ARFGEF1: variants seen among roughly 807,000 people sequenced by gnomAD.
The protein encoded by ARFGEF1 is brefeldin A-inhibited guanine nucleotide-exchange protein 1.
Under a neutral mutation model 231.0 loss-of-function variants are expected in ARFGEF1, and 42 were observed. The ratio of observed to expected loss-of-function variants is 0.18; its 90% CI spans 0.14 to 0.24. The LOEUF (loss-of-function observed/expected upper bound fraction) is 0.24, where lower values mean the gene tolerates loss of function less well. ARFGEF1 is among the 10% of genes least tolerant of loss of function. The pLI is 1.00. For missense variants in ARFGEF1, 1,345 were observed against 2,192.0 expected (o/e 0.61, Z 7.72); for synonymous variants, 710 against 732.3 (o/e 0.97, Z 0.49).
chr8:67,224,958 T>G lies in ARFGEF1; in HGVS notation c.4153A>C (p.Ile1385Leu). Residue 1385 changes from isoleucine (I) to leucine (L), a missense_variant, in exon 29 of 39, where the codon ATT (isoleucine) becomes CTT (leucine). This residue lies in a region of ARFGEF1 where 142 missense variants were observed against 227.3 expected (regional missense o/e 0.62). Coordinates refer to ENST00000262215, the MANE Select transcript of ARFGEF1 (RefSeq NM_006421.5). ...DRVWVRGWFP[I>L]LFELSCIINR... Reference sequence around the variant, plus strand: ...ATGATACAGGATAACTCAAAGAGAATTGGGAACCATCCTCTCACCCACACC... The same window carrying G: ...ATGATACAGGATAACTCAAAGAGAAGTGGGAACCATCCTCTCACCCACACC... 2 of 1,606,930 alleles carry G rather than the reference T, an allele frequency of 1.2e-6. No homozygotes were observed. Among genetic ancestry groups the G allele is most frequent in the African/African-American group, 1.3e-5 (1 of 74,876 alleles).
chr8:67,176,935 G>A (rs117763227), intron 5 of ARFGEF1, among the ~76,000 whole-genome samples: 3,148 of 152,120 alleles, frequency 0.021, 45 homozygotes, highest in Non-Finnish European at 0.031. Context: ...GCTGGGCATG[G>A]AGGCGTGTGC....
intron 1 of ARFGEF1, among the ~76,000 whole-genome samples, chr8:67,305,767 C>T (rs749704733): frequency 1.3e-5 from 2 of 152,162 alleles, no homozygotes; most frequent in Non-Finnish European, 2.9e-5. Flanking sequence ...GGATTACATT[C>T]CCCCCTTATC....
chr8:67,319,856 C>T (rs142387936), intron 1 of ARFGEF1, among the ~76,000 whole-genome samples: 3 of 152,030 alleles, frequency 2.0e-5, no homozygotes, highest in Non-Finnish European at 2.9e-5. Flanking sequence ...AAAAAAACAA[C>T]GAAATTTTTT....
At chr8:67,273,814 A>C (rs971365722) in intron 9 of ARFGEF1, among the ~76,000 whole-genome samples, 3 of 152,158 alleles carry the variant, frequency 2.0e-5, no homozygotes, top group African/African-American at 7.2e-5. Context: ...AGGGAACTAC[A>C]AATTAACCCA....
chr8:67,181,165 G>A (rs1832926788), intron 5 of ARFGEF1, among the ~76,000 whole-genome samples: 1 of 151,618 alleles, frequency 6.6e-6, no homozygotes. Flanking sequence ...AGCCTCCCCA[G>A]TAGCTGGGAC....
At chr8:67,271,025 C>CA (rs36063944) in intron 10 of ARFGEF1, among the ~76,000 whole-genome samples, 1,837 of 35,580 alleles carry the variant, frequency 0.052, 34 homozygotes, top group Admixed American at 0.068. Flanking sequence ...ACTCCATCTC[C>CA]AAAAAAAAAA....
chr8:67,253,306 G>T (rs1014458194), intron 18 of ARFGEF1, 145 bp downstream of exon 18: 4 of 496,694 alleles, frequency 8.1e-6, no homozygotes, highest in African/African-American at 8.0e-5. Context: ...GAACTCCTGG[G>T]TTCAAGTGAT....
Position 67,277,303 on chromosome 8 carries a change from T to C in ARFGEF1, c.1182A>G (p.Ser394=). The C allele has an allele frequency of 6.2e-7, 1 of 1,613,410 alleles. No homozygotes were observed. Among genetic ancestry groups the C allele is most frequent in the Non-Finnish European group, 8.5e-7 (1 of 1,179,562 alleles). Residue 394 remains serine, a synonymous_variant, in exon 8 of 39, where the codon TCA becomes TCG. Coordinates refer to ENST00000262215, the MANE Select transcript of ARFGEF1 (RefSeq NM_006421.5). ...ATACCTGAGTATCATTGGAAGAGACTGACAATCTATCATCAGGTAAGGATG... is the reference window on the plus strand; with the variant it reads ...ATACCTGAGTATCATTGGAAGAGACCGACAATCTATCATCAGGTAAGGATG... ...YTPSLPDDRL[S]VSSNDTQESG...
chr8:67,224,872 C>A, intron 29 of ARFGEF1, 31 bp downstream of exon 29: 2 of 1,446,378 alleles, frequency 1.4e-6, no homozygotes, highest in Non-Finnish European at 9.2e-7. Context: ...AAAATAAATC[C>A]AAAATTTTAA....
chr8:67,261,327 AG>A (rs1804612138), intron 14 of ARFGEF1, among the ~76,000 whole-genome samples: 1 of 152,198 alleles, frequency 6.6e-6, no homozygotes, highest in Non-Finnish European at 1.5e-5. Context: ...TGGCTCTCTT[AG>A]GGGCTAATGT....
intron 17 of ARFGEF1, among the ~76,000 whole-genome samples, chr8:67,257,078 GA>G (rs758272536): frequency 6.6e-6 from 1 of 152,084 alleles, no homozygotes; most frequent in Non-Finnish European, 1.5e-5. Context: ...GGTGAAGTTT[GA>G]AACATTTTTT....
intron 1 of ARFGEF1, 58 bp downstream of exon 1, chr8:67,343,106 C>CGG: frequency 3.9e-6 from 1 of 254,858 alleles, no homozygotes; most frequent in Non-Finnish European, 7.7e-6. Flanking sequence ...CCCCCACAGG[C>CGG]GCCCCCCTCC....
chr8:67,249,457 A>T (rs946627674), intron 19 of ARFGEF1, among the ~76,000 whole-genome samples: 2 of 150,096 alleles, frequency 1.3e-5, no homozygotes, highest in Non-Finnish European at 2.9e-5. Context: ...TCGTAAGTCG[A>T]GGAGCATACA....
chr8:67,225,942 A>T, intron 28 of ARFGEF1, 81 bp downstream of exon 28: 1 of 1,347,674 alleles, frequency 7.4e-7, no homozygotes, highest in Non-Finnish European at 1.0e-6. Context: ...TGCTTCATAT[A>T]CCCTCAATTC....
rs571392274 is a variant in ARFGEF1, at chr8:67,342,821, T to C, written c.124+343A>G. 5.3e-4 allele frequency among the ~76,000 whole-genome samples: 80 copies of C among 152,268 alleles called. 1 individual carries two copies. The highest frequency in any genetic ancestry group is 1.6e-3 in the Admixed American group (25 of 15,298). On this transcript the variant is annotated intron_variant, in intron 1 of 38. Transcript: ENST00000262215. ...CCAAGCTAATAAACAACAGCTCATC[T>C]TCTGCTTCATCACAAAGGGTGGTAT...
chr8:67,291,712 A>C, intron 6 of ARFGEF1, 135 bp downstream of exon 6: 2 of 1,185,508 alleles, frequency 1.7e-6, no homozygotes, highest in Non-Finnish European at 1.2e-6. Flanking sequence ...TACAATGAGG[A>C]AAGTCCACAA....
At chr8:67,213,140 G>C (rs1229836217) in intron 33 of ARFGEF1, among the ~76,000 whole-genome samples, 2 of 152,114 alleles carry the variant, frequency 1.3e-5, no homozygotes, top group Non-Finnish European at 2.9e-5. Context: ...AGTTCTCAAG[G>C]GCAATTCAGA....
Position 67,198,712 on chromosome 8 carries a change from A to T in ARFGEF1, c.*222T>A. ...CCGTGAGCATGAGCTGACACTGTTT[A>T]AACAGGCTTTCTGCTCAACATGAGG... On this transcript the variant is annotated 3_prime_UTR_variant, in exon 39 of 39. Transcript: ENST00000262215. The T allele has an allele frequency of 7.7e-7, 1 of 1,301,708 alleles. No individual in the cohort carries two copies. Among genetic ancestry groups the T allele is most frequent in the East Asian group, 3.7e-5 (1 of 26,982 alleles). The allele number at this position is 1,301,708 out of a possible 1,614,324, so 80.6% of individuals were successfully genotyped here.
Position 67,266,163 on chromosome 8 carries a change from G to C in ARFGEF1, c.1966C>G (p.Pro656Ala), listed in dbSNP as rs1371229274. ...SEQEMSEIKH[P>A]ETINRYGSLN... ...CTTCCGTATCTGTTTATTGTCTCAG[G>C]GTGTTTGATTTCACTCATCTCTTGC... is the stretch of plus-strand genomic sequence containing the variant. The change falls in exon 14 of 39, where the codon CCT (proline) becomes GCT (alanine). Residue 656 changes from proline (P) to alanine (A), a missense_variant. Coordinates refer to ENST00000262215, the MANE Select transcript of ARFGEF1 (RefSeq NM_006421.5). The C allele has an allele frequency of 1.7e-5, 28 of 1,613,452 alleles. No individual in the cohort carries two copies. Among genetic ancestry groups the C allele is most frequent in the Non-Finnish European group, 2.4e-5 (28 of 1,179,788 alleles).
Sources: gnomAD v4.1 joint callset for allele counts (sites outside exome capture counted in the v4.1 genomes callset) on GRCh38, gnomAD v4.1.1 for gene constraint, gnomAD v4.1.1 regional missense constraint, MANE v1.5 for transcripts, NCBI Gene and HGNC (gene_info 2026-07-23, HGNC 2026-07-21) for gene names.